HOMER2: variants seen among roughly 807,000 people sequenced by gnomAD.
HOMER2 encodes the protein homer protein homolog 2.
Under a neutral mutation model 47.0 loss-of-function variants are expected in HOMER2, and 27 were observed. The observed-to-expected ratio is 0.57, with a 90% CI of 0.42 to 0.79. The LOEUF is 0.79. Among genes scored for constraint, HOMER2 ranks in the 30% least tolerant of loss-of-function variants. The pLI is 0.00. For missense variants in HOMER2, 443 were observed against 435.0 expected (o/e 1.02, Z -0.16); for synonymous variants, 161 against 163.8 (o/e 0.98, Z 0.13).
intron 4 of HOMER2, among the ~76,000 whole-genome samples, chr15:82,860,978 A>AGAGAGAGAGAGAGAGAGAGAGAGG (rs1269756073): frequency 2.0e-5 from 3 of 147,808 alleles, no homozygotes; most frequent in African/African-American, 7.8e-5. Context: ...AGAGAGAGAG[A>AGAGAGAGAGAGAGAGAGAGAGAGG]GAGAAAGCGA....
chr15:82,872,069 C>T (rs772110026), intron 3 of HOMER2, among the ~76,000 whole-genome samples: 2 of 152,102 alleles, frequency 1.3e-5, no homozygotes, highest in African/African-American at 4.8e-5. Context: ...GCTCCCAAGC[C>T]TATTTGCCAG....
intron 4 of HOMER2, among the ~76,000 whole-genome samples, chr15:82,861,153 TAA>T (rs963061323): frequency 1.3e-5 from 2 of 152,234 alleles, no homozygotes; most frequent in Non-Finnish European, 2.9e-5. Flanking sequence ...TTCTGCAGGC[TAA>T]GTTTGTGGTA....
exon 2 of HOMER2, chr15:82,840,059 A>G (rs982780387): frequency 1.3e-5 from 2 of 152,196 alleles, no homozygotes; most frequent in African/African-American, 4.8e-5. Flanking sequence ...ATAAAGTCAA[A>G]TCTGAAATTA....
chr15:82,966,828 C>G (rs2054679444), intron 1 of HOMER2, among the ~76,000 whole-genome samples: 1 of 152,178 alleles, frequency 6.6e-6, no homozygotes, highest in Non-Finnish European at 1.5e-5. Context: ...GCATCTTGTC[C>G]AACTTCAGTC....
At position 82,879,616 on chromosome 15, in the gene HOMER2, G is replaced by C. The variant is rs1280124714; in HGVS notation, c.163-4212C>G. Among the ~76,000 whole-genome samples, 4 of 152,168 alleles carry C rather than the reference G, an allele frequency of 2.6e-5. No homozygotes were observed. In the East Asian group the frequency reaches 7.7e-4, roughly 29 times the overall value. ...TATTTTATTGCTAAAAAATGCTAAG[G>C]ACCATCTGAACCTTCAGCAAATTGT... On this transcript the variant is annotated intron_variant, in intron 2 of 8. Transcript: ENST00000450735.
chr15:82,869,450 C>CTTTTTTTTTTTT (rs71822678), intron 3 of HOMER2, among the ~76,000 whole-genome samples: 2 of 70,240 alleles, frequency 2.8e-5, no homozygotes, highest in African/African-American at 6.0e-5. Flanking sequence ...TACTAAACAT[C>CTTTTTTTTTTTT]TTTTTTTTTT....
chr15:82,939,983 C>T (rs1012257052), intron 1 of HOMER2, among the ~76,000 whole-genome samples: 3 of 152,078 alleles, frequency 2.0e-5, no homozygotes, highest in Non-Finnish European at 4.4e-5. Flanking sequence ...AACCAAACAC[C>T]GCATGTTCTC....
chr15:82,943,485 C>G (rs1829778529), intron 1 of HOMER2, among the ~76,000 whole-genome samples: 1 of 152,206 alleles, frequency 6.6e-6, no homozygotes, highest in Non-Finnish European at 1.5e-5. Context: ...TTGGAGCATC[C>G]TGGAAGAGGC....
chr15:82,964,973 A>C (rs1596386605), intron 1 of HOMER2, among the ~76,000 whole-genome samples: 1 of 152,346 alleles, frequency 6.6e-6, no homozygotes, highest in African/African-American at 2.4e-5. Context: ...AGGACCTTTA[A>C]TATGTCAATG....
chr15:82,978,052 A>C (rs2030264968), intron 1 of HOMER2, among the ~76,000 whole-genome samples: 1 of 152,192 alleles, frequency 6.6e-6, no homozygotes, highest in African/African-American at 2.4e-5. Context: ...CTGGAGGCTG[A>C]GGCAGGAAAA....
chr15:82,976,939 G>C (rs569477743), intron 1 of HOMER2, among the ~76,000 whole-genome samples: 184 of 152,016 alleles, frequency 1.2e-3, no homozygotes, highest in Non-Finnish European at 2.4e-3. Context: ...GCCTCCCAAA[G>C]TGCTGGGATT....
chr15:82,877,894 G>T (rs1057316609), intron 2 of HOMER2, among the ~76,000 whole-genome samples: 1 of 152,138 alleles, frequency 6.6e-6, no homozygotes, highest in Non-Finnish European at 1.5e-5. Context: ...AAGTGTAGGG[G>T]AAAGCTATGG....
chr15:82,972,551 T>C (rs962593050), intron 1 of HOMER2, among the ~76,000 whole-genome samples: 4 of 152,166 alleles, frequency 2.6e-5, no homozygotes, highest in African/African-American at 9.7e-5. Context: ...GGTTTGTCCA[T>C]GTTGGTCAGG....
intron 1 of HOMER2, among the ~76,000 whole-genome samples, chr15:82,930,210 G>T (rs1027702191): frequency 9.2e-5 from 14 of 152,222 alleles, no homozygotes; most frequent in African/African-American, 3.4e-4. Flanking sequence ...TGCTGGCTGT[G>T]TGACCTTAAC....
At chr15:82,870,722 T>G (rs185560315) in intron 3 of HOMER2, among the ~76,000 whole-genome samples, 12 of 152,334 alleles carry the variant, frequency 7.9e-5, no homozygotes, top group Admixed American at 5.9e-4. Context: ...AAAACAATGT[T>G]CTTACGATAC....
At position 82,854,781 on chromosome 15, in the gene HOMER2, ACTT is replaced by A. The variant is rs774540927; in HGVS notation, c.511_513del (p.Lys171del). ...CGAAGGGTCTGCAGCTCGATCTCCC[ACTT>A]CTTCACGTTGGCTGCGCTGCAGGAC... On this transcript the variant is annotated inframe_deletion, in exon 6 of 9. Coordinates refer to ENST00000450735, the MANE Select transcript of HOMER2 (RefSeq NM_004839.4). The A allele has an allele frequency of 1.2e-6, 2 of 1,610,104 alleles. No individual in the cohort carries two copies. Among genetic ancestry groups the A allele is most frequent in the Non-Finnish European group, 1.7e-6 (2 of 1,179,580 alleles).
intron 1 of HOMER2, among the ~76,000 whole-genome samples, chr15:82,898,943 G>C (rs1017142845): frequency 6.6e-6 from 1 of 152,142 alleles, no homozygotes; most frequent in Non-Finnish European, 1.5e-5. Context: ...ACAAAGTCTT[G>C]TAAGGTACCC....
At chr15:82,982,151 G>T (rs1052520404) in intron 1 of HOMER2, among the ~76,000 whole-genome samples, 1 of 152,128 alleles carries the variant, frequency 6.6e-6, no homozygotes, top group Non-Finnish European at 1.5e-5. Context: ...CTATCCAGAA[G>T]AATATAACTG....
At chr15:82,853,919 G>A (rs886743232) in intron 6 of HOMER2, among the ~76,000 whole-genome samples, 25 of 152,264 alleles carry the variant, frequency 1.6e-4, no homozygotes, top group African/African-American at 5.8e-4. Context: ...GTGAATGGAA[G>A]CAGGACTTCC....
Sources: gnomAD v4.1 joint callset for allele counts (sites outside exome capture counted in the v4.1 genomes callset) on GRCh38, gnomAD v4.1.1 for gene constraint, MANE v1.5 for transcripts, NCBI Gene and HGNC (gene_info 2026-07-23, HGNC 2026-07-21) for gene names.